The following UNC5D variants were observed in gnomAD, a reference collection of about 807,000 sequenced individuals.
UNC5D encodes the protein netrin receptor UNC5D.
A neutral mutation model predicts 105.4 loss-of-function variants in UNC5D; 39 were observed. The ratio of observed to expected loss-of-function variants is 0.37; its 90% CI spans 0.29 to 0.48. The LOEUF (loss-of-function observed/expected upper bound fraction) is 0.48. UNC5D is among the 20% of genes least tolerant of loss of function. UNC5D has a pLI of 0.98. For missense variants in UNC5D, 991 were observed against 1,202.4 expected (o/e 0.82, Z 2.60); for synonymous variants, 452 against 450.4 (o/e 1.00, Z -0.04).
At chr8:35,273,309 A>T (rs1266516177) in intron 1 of UNC5D, among the ~76,000 whole-genome samples, 1 of 152,260 alleles carries the variant, frequency 6.6e-6, no homozygotes, top group Non-Finnish European at 1.5e-5. Flanking sequence ...CATGTATCTT[A>T]TCGTTCTGTT....
intron 4 of UNC5D, among the ~76,000 whole-genome samples, chr8:35,682,657 C>T (rs950322303): frequency 1.3e-5 from 2 of 152,138 alleles, no homozygotes; most frequent in Non-Finnish European, 2.9e-5. Context: ...AATAGAGGTG[C>T]TCAGGGTGGT....
intron 4 of UNC5D, among the ~76,000 whole-genome samples, chr8:35,681,162 C>G (rs148564051): frequency 9.6e-4 from 146 of 152,290 alleles, no homozygotes; most frequent in African/African-American, 3.3e-3. Flanking sequence ...TAAGAAGCCA[C>G]TGCAAAAATC....
At chr8:35,370,758 AATCATAGTTTCT>A (rs1802385260) in intron 1 of UNC5D, among the ~76,000 whole-genome samples, 1 of 152,182 alleles carries the variant, frequency 6.6e-6, no homozygotes, top group South Asian at 2.1e-4. Flanking sequence ...GTTGTAGTTT[AATCATAGTTTCT>A]ATCCTTCATG....
intron 1 of UNC5D, among the ~76,000 whole-genome samples, chr8:35,465,015 T>C (rs1809195459): frequency 1.3e-5 from 2 of 152,204 alleles, no homozygotes; most frequent in Non-Finnish European, 1.5e-5. Flanking sequence ...GTTTTCTACT[T>C]GGTTTCCCAC....
intron 4 of UNC5D, among the ~76,000 whole-genome samples, chr8:35,634,170 C>T (rs956063894): frequency 2.0e-5 from 3 of 152,172 alleles, no homozygotes; most frequent in African/African-American, 4.8e-5. Flanking sequence ...ATTTGGAAAA[C>T]GGTTTGTAAA....
chr8:35,672,323 G>A (rs564107118), intron 4 of UNC5D, among the ~76,000 whole-genome samples: 1 of 152,238 alleles, frequency 6.6e-6, no homozygotes, highest in East Asian at 1.9e-4. Context: ...AATGGAGGGA[G>A]GGGGTAAATG....
chr8:35,409,671 C>A (rs1805032703), intron 1 of UNC5D, among the ~76,000 whole-genome samples: 1 of 151,894 alleles, frequency 6.6e-6, no homozygotes, highest in Non-Finnish European at 1.5e-5. Context: ...GATTCGGATA[C>A]ATTTTTTCCC....
chr8:35,595,110 G>T (rs892659374), intron 3 of UNC5D, among the ~76,000 whole-genome samples: 1 of 152,192 alleles, frequency 6.6e-6, no homozygotes, highest in East Asian at 1.9e-4. Flanking sequence ...GCCCCCTAGA[G>T]GGTTAAGGGA....
Position 35,394,568 on chromosome 8 carries a change from G to C in UNC5D, c.104-154724G>C, listed in dbSNP as rs560858521. On this transcript the variant is annotated intron_variant, in intron 1 of 16. Coordinates refer to ENST00000404895, the MANE Select transcript of UNC5D (RefSeq NM_080872.4). ...TGCATCTAGATAATTTGAAATTTAT[G>C]ATGAGCATTTATTTTCATTTTGTAA... Among the ~76,000 whole-genome samples, 6 of 151,510 alleles carry C rather than the reference G, an allele frequency of 4.0e-5. No homozygotes were observed. The Middle Eastern group carries it at 0.01, about 258-fold the overall frequency.
intron 5 of UNC5D, 65 bp from the exon 6 acceptor site, chr8:35,684,517 A>C (rs1825880922): frequency 6.4e-7 from 1 of 1,565,984 alleles, no homozygotes; most frequent in Non-Finnish European, 8.6e-7. Flanking sequence ...AGTGGCTTGC[A>C]CATAGTAGGC....
At position 35,629,505 on chromosome 8, in the gene UNC5D, G is replaced by A. The variant is rs146696162; in HGVS notation, c.570+33848G>A. ...AGGAGCTAAACATAAGGTATTCATG[G>A]ACATAAAGATGGAAATAATAGACAC... On this transcript the variant is annotated intron_variant, in intron 4 of 16. Transcript: ENST00000404895. 1.3e-3 allele frequency among the ~76,000 whole-genome samples: 202 copies of A among 152,132 alleles called. 1 individual carries two copies. Among genetic ancestry groups the A allele is most frequent in the African/African-American group, 4.7e-3 (195 of 41,506 alleles).
chr8:35,424,098 C>G (rs1005344393), intron 1 of UNC5D, among the ~76,000 whole-genome samples: 1 of 152,058 alleles, frequency 6.6e-6, no homozygotes, highest in African/African-American at 2.4e-5. Flanking sequence ...CTGCACCCAG[C>G]CAAGGAGTAC....
At chr8:35,386,136 T>G (rs942701193) in intron 1 of UNC5D, among the ~76,000 whole-genome samples, 15 of 152,326 alleles carry the variant, frequency 9.8e-5, no homozygotes, top group African/African-American at 3.4e-4. Flanking sequence ...TTTACATCTT[T>G]CTCCCAAGTT....
chr8:35,237,662 G>T (rs1482197132), intron 1 of UNC5D, among the ~76,000 whole-genome samples: 1 of 152,158 alleles, frequency 6.6e-6, no homozygotes, highest in Non-Finnish European at 1.5e-5. Flanking sequence ...TGTACATTCT[G>T]CAGGCTTATT....
chr8:35,486,738 T>C (rs16884013), intron 1 of UNC5D, among the ~76,000 whole-genome samples: 3,443 of 152,298 alleles, frequency 0.023, 135 homozygotes, highest in African/African-American at 0.079. Flanking sequence ...GGTATCATTA[T>C]TGCCCATATG....
intron 1 of UNC5D, among the ~76,000 whole-genome samples, chr8:35,470,942 CTGTT>C (rs1809679012): frequency 6.6e-6 from 1 of 152,124 alleles, no homozygotes; most frequent in Non-Finnish European, 1.5e-5. Context: ...ATTGCATCAA[CTGTT>C]TGGGGTTGAG....
chr8:35,464,654 T>C (rs1809164101), intron 1 of UNC5D, among the ~76,000 whole-genome samples: 2 of 152,198 alleles, frequency 1.3e-5, no homozygotes, highest in African/African-American at 4.8e-5. Context: ...AACTTTTAAA[T>C]GGGAGGCAAT....
chr8:35,785,215 C>T (rs534881249), intron 16 of UNC5D, among the ~76,000 whole-genome samples: 12 of 152,020 alleles, frequency 7.9e-5, no homozygotes, highest in Non-Finnish European at 1.5e-4. Context: ...AAATGGGTCA[C>T]GTAGATTAGG....
intron 1 of UNC5D, among the ~76,000 whole-genome samples, chr8:35,470,090 A>T (rs1272374349): frequency 6.6e-6 from 1 of 152,168 alleles, no homozygotes; most frequent in Non-Finnish European, 1.5e-5. Flanking sequence ...ATTAAGTAGA[A>T]TTATGAACAA....
Sources: allele counts gnomAD v4.1 joint callset (sites outside exome capture counted in the v4.1 genomes callset), GRCh38; gene constraint gnomAD v4.1.1; transcripts MANE v1.5; gene names NCBI Gene and HGNC (gene_info 2026-07-23, HGNC 2026-07-21).